The following RDX variants were observed in gnomAD, a reference collection of about 807,000 sequenced individuals.
RDX encodes deafness, autosomal recessive 24.
Under a neutral mutation model 83.7 loss-of-function variants are expected in RDX, and 32 were observed. The ratio of observed to expected loss-of-function variants is 0.38; its 90% CI spans 0.29 to 0.51. The LOEUF (loss-of-function observed/expected upper bound fraction) is 0.51, where lower values mean the gene tolerates loss of function less well. Ranked by LOEUF, RDX falls within the 20% of genes least tolerant of loss-of-function variation. RDX has a pLI of 0.87. For synonymous variants in RDX, 229 were observed against 222.7 expected, an observed-to-expected ratio of 1.03 and a Z score of -0.25; for missense variants, 600 against 689.9, an observed-to-expected ratio of 0.87 and a Z score of 1.46.
Position 110,231,709 on chromosome 11 carries a change from A to T in RDX, c.*160T>A. 3 of 775,626 alleles carry T rather than the reference A, an allele frequency of 3.9e-6. 1 individual carries two copies. In the South Asian group the frequency reaches 4.2e-5, roughly 11 times the overall value. 48.0% of individuals were successfully genotyped at this position (775,626 alleles called of 1,614,324 possible). ...ACCAAGCATGATATCATACTGCCTT[A>T]ATGTTGAAGAGCTCCCCTTAAATTT... On this transcript the variant is annotated 3_prime_UTR_variant, in exon 14 of 14. Coordinates refer to ENST00000645495, the MANE Select transcript of RDX (RefSeq NM_002906.4).
At position 110,215,592 on chromosome 11, in the gene RDX, C is replaced by CT. The variant is rs1430339450; in HGVS notation, c.1749-15915dup. Among the ~76,000 whole-genome samples the CT allele has an allele frequency of 2.0e-5, 3 of 152,092 alleles. No homozygotes were observed. In the East Asian group the frequency reaches 5.8e-4, roughly 29 times the overall value. ...CAATCTGGTGGGTTTGATCAGGTCA[C>CT]TACCACTCTGTATTCAAGTCGAACT... On this transcript the variant is annotated intron_variant, in intron 14 of 15. Transcript: ENST00000528498.
chr11:110,259,899 C>T (rs1859731622), intron 5 of RDX, among the ~76,000 whole-genome samples: 1 of 151,842 alleles, frequency 6.6e-6, no homozygotes, highest in Non-Finnish European at 1.5e-5. Flanking sequence ...CCATTATACA[C>T]TAACCTCAAT....
rs1055295598 is a variant in RDX at position 110,231,397 on chromosome 11, G to A, written c.*472C>T. On this transcript the variant is annotated 3_prime_UTR_variant, in exon 14 of 14. Coordinates refer to ENST00000645495, the MANE Select transcript of RDX (RefSeq NM_002906.4). ...TAAACACTGCCTGATCTGTATGATG[G>A]TGGAATTATGGCTATGGACATGGCA... The A allele has an allele frequency of 4.7e-6, 1 of 213,114 alleles. No homozygotes were observed. The highest frequency in any genetic ancestry group is 9.5e-6 in the Non-Finnish European group (1 of 105,094). 13.2% of individuals were successfully genotyped at this position (213,114 alleles called of 1,614,324 possible).
rs1426337057 is a variant in RDX at position 110,263,978 on chromosome 11, T to C, written c.449A>G (p.Asp150Gly). The C allele has an allele frequency of 1.2e-6, 2 of 1,613,788 alleles. No homozygotes were observed. The highest frequency in any genetic ancestry group is 2.7e-5 in the African/African-American group (2 of 75,034). ...CACTTACCGCTGGGGTAGGAGTCTA[T>C]CATTAGCCAGGTAGCCTGGCTTATG... The part of the protein sequence containing the change: ...EIHKPGYLAN[D>G]RLLPQRVLEQ... The change falls in exon 5 of 14, where the codon GAT (aspartate) becomes GGT (glycine). Residue 150 changes from aspartate (D) to glycine (G), a missense_variant. Coordinates refer to ENST00000645495, the MANE Select transcript of RDX (RefSeq NM_002906.4).
At chr11:110,202,229 T>C (rs1232383252) in intron 14 of RDX, among the ~76,000 whole-genome samples, 4 of 151,858 alleles carry the variant, frequency 2.6e-5, no homozygotes, top group African/African-American at 9.7e-5. Flanking sequence ...ACGCCATCTC[T>C]ACTAAAAATA....
intron 9 of RDX, among the ~76,000 whole-genome samples, chr11:110,251,111 T>C (rs1353907876): frequency 6.6e-6 from 1 of 152,224 alleles, no homozygotes; most frequent in Admixed American, 6.5e-5. Flanking sequence ...ACTTTCCTCA[T>C]GAAGTCTTTT....
intron 14 of RDX, among the ~76,000 whole-genome samples, chr11:110,211,285 T>C (rs1167528124): frequency 6.6e-6 from 1 of 152,184 alleles, no homozygotes; most frequent in East Asian, 1.9e-4. Context: ...AAGAGCTAAC[T>C]ATCCTAAATA....
chr11:110,213,210 G>C (rs1863906102), intron 14 of RDX, among the ~76,000 whole-genome samples: 2 of 150,994 alleles, frequency 1.3e-5, no homozygotes, highest in African/African-American at 2.4e-5. Flanking sequence ...CAAACAGAGA[G>C]CCAAATCATG....
intron 1 of RDX, among the ~76,000 whole-genome samples, chr11:110,290,368 C>T (rs1861184214): frequency 1.3e-5 from 2 of 151,906 alleles, no homozygotes; most frequent in Admixed American, 6.6e-5. Flanking sequence ...ATAAAAAAGC[C>T]GGGAGTGGTG....
At chr11:110,265,109 G>GTTTTTTTTTTTTTTTTTTTT (rs71053876) in intron 3 of RDX, among the ~76,000 whole-genome samples, 3 of 90,694 alleles carry the variant, frequency 3.3e-5, no homozygotes, top group Non-Finnish European at 6.5e-5. Context: ...TTTTTTTTTT[G>GTTTTTTTTTTTTTTTTTTTT]TTTTTTTTTT....
Position 110,230,917 on chromosome 11 carries a change from A to G in RDX, c.*952T>C, listed in dbSNP as rs2134295147. 6.6e-6 allele frequency: 1 copy of G among 150,598 alleles called. No individual in the cohort carries two copies. Among genetic ancestry groups the G allele is most frequent in the East Asian group, 2.0e-4 (1 of 5,070 alleles). 9.3% of individuals were successfully genotyped at this position (150,598 alleles called of 1,614,324 possible). On this transcript the variant is annotated 3_prime_UTR_variant, in exon 14 of 14. Coordinates refer to ENST00000645495, the MANE Select transcript of RDX (RefSeq NM_002906.4). ...GTAGTATTGTTGTCCCCTCCTCGGG[A>G]CTGATGTTTTTATATGCTGCCCTTC...
At chr11:110,177,674 G>A (rs562161943) in intron 15 of RDX, among the ~76,000 whole-genome samples, 10 of 152,110 alleles carry the variant, frequency 6.6e-5, no homozygotes, top group African/African-American at 9.6e-5. Context: ...TGGTAGAGAC[G>A]AGGTTTGCCA....
intron 14 of RDX, among the ~76,000 whole-genome samples, chr11:110,203,213 A>T (rs1863477765): frequency 6.6e-6 from 1 of 152,174 alleles, no homozygotes; most frequent in African/African-American, 2.4e-5. Flanking sequence ...TTGCAACTAC[A>T]TGGATGGAAC....
intron 9 of RDX, among the ~76,000 whole-genome samples, chr11:110,248,593 A>C (rs1284600378): frequency 6.6e-5 from 10 of 152,236 alleles, no homozygotes; most frequent in Admixed American, 6.5e-4. Flanking sequence ...CTTATAAGGC[A>C]CACTTTAATG....
rs1203511431 is a variant in RDX, at chr11:110,250,249, T to G, written c.960-2416A>C. 3.3e-5 allele frequency among the ~76,000 whole-genome samples: 5 copies of G among 152,268 alleles called. No individual in the cohort carries two copies. The East Asian group carries it at 9.6e-4, about 29-fold the overall frequency. Reference sequence around the variant, plus strand: ...GATAGCTGAAACATCACGCTTTGTGTGAAAGCAAAAGAAGCAAAAGCACAG... The same window carrying G: ...GATAGCTGAAACATCACGCTTTGTGGGAAAGCAAAAGAAGCAAAAGCACAG... On this transcript the variant is annotated intron_variant, in intron 9 of 13. Coordinates refer to ENST00000645495, the MANE Select transcript of RDX (RefSeq NM_002906.4).
chr11:110,281,729 C>T (rs1432520211), intron 1 of RDX, among the ~76,000 whole-genome samples: 1 of 152,040 alleles, frequency 6.6e-6, no homozygotes, highest in African/African-American at 2.4e-5. Flanking sequence ...GTATTTCAGT[C>T]CAATTTTTAA....
chr11:110,241,211 T>C (rs1441311220), intron 10 of RDX, among the ~76,000 whole-genome samples: 1 of 152,204 alleles, frequency 6.6e-6, no homozygotes, highest in East Asian at 1.9e-4. Context: ...GATGTTACCA[T>C]AGCGATATTC....
intron 15 of RDX, among the ~76,000 whole-genome samples, chr11:110,193,627 C>T (rs777928677): frequency 6.6e-6 from 1 of 152,178 alleles, no homozygotes; most frequent in Non-Finnish European, 1.5e-5. Flanking sequence ...TATGCTACTC[C>T]TTTCCCTCTT....
At chr11:110,281,102 T>A (rs1441171473) in intron 1 of RDX, among the ~76,000 whole-genome samples, 2 of 146,240 alleles carry the variant, frequency 1.4e-5, no homozygotes, top group Non-Finnish European at 3.0e-5. Flanking sequence ...AAAGCAGAGG[T>A]TGCAGTGAGC....
Sources: gnomAD v4.1 joint callset for allele counts (sites outside exome capture counted in the v4.1 genomes callset) on GRCh38, gnomAD v4.1.1 for gene constraint, MANE v1.5 for transcripts, NCBI Gene and HGNC (gene_info 2026-07-23, HGNC 2026-07-21) for gene names.